MGAM2: variants seen among roughly 807,000 people sequenced by gnomAD.
The protein encoded by MGAM2 is maltase-glucoamylase 2 (putative).
A neutral mutation model predicts 96.1 loss-of-function variants in MGAM2; 98 were observed. That is an observed-to-expected ratio of 1.02 (90% CI 0.87 to 1.21). The LOEUF is 1.21. Among genes scored for constraint, MGAM2 ranks in the 50% most tolerant of loss-of-function variants. The pLI is 0.00. For synonymous variants in MGAM2, 749 were observed against 414.8 expected (o/e 1.81, Z -9.79); for missense variants, 2,055 against 1,182.4 (o/e 1.74, Z -10.82).
At chr7:142,160,292 C>A in intron 21 of MGAM2, 34 bp downstream of exon 21, 1 of 656,158 alleles carries the variant, frequency 1.5e-6, no homozygotes, top group Non-Finnish European at 2.7e-6. Context: ...TATGACTATT[C>A]TGGTGCTCTA....
rs1212172501 is a variant in MGAM2, at chr7:142,171,410, G to A, written c.3321G>A (p.Trp1107Ter). The A allele has an allele frequency of 1.4e-6, 1 of 702,944 alleles. No homozygotes were observed. Among genetic ancestry groups the A allele is most frequent in the African/African-American group, 1.8e-5 (1 of 57,132 alleles). The allele number at this position is 702,944 out of a possible 1,614,324, so 43.5% of individuals were successfully genotyped here. A position where few individuals can be genotyped will look rare whatever the true frequency, so the allele number is the denominator to read the frequency against. ...GAAGAAACATGAACTGGAACACATG[G>A]GGAATGTTTGCTCATGATGAGCCAC... Reference protein sequence around the residue: ...TFRRNMNWNTWGMFAHDEPPA... With the variant: ...TFRRNMNWNT The change falls in exon 28 of 48, where the codon TGG becomes TGA. Residue 1107 changes from tryptophan to a stop codon, truncating the protein, a stop_gained. Coordinates refer to ENST00000477922, the MANE Select transcript of MGAM2 (RefSeq NM_001293626.2). LOFTEE classifies it high-confidence loss of function.
At chr7:142,154,350 T>C (rs1011158757) in intron 16 of MGAM2, among the ~76,000 whole-genome samples, 161 bp downstream of exon 16, 3 of 152,212 alleles carry the variant, frequency 2.0e-5, no homozygotes, top group Non-Finnish European at 4.4e-5. Flanking sequence ...CTTCTGAAGA[T>C]AGAATGGTAG....
At chr7:142,208,087 A>G (rs970082563) in intron 45 of MGAM2, 11 of 439,158 alleles carry the variant, frequency 2.5e-5, no homozygotes, top group Admixed American at 9.6e-5. Context: ...TCTCCATTCT[A>G]TAGATGATAA....
rs74451247 is a variant in MGAM2 at position 142,180,503 on chromosome 7, T to C, written c.3817-2763T>C. Among the ~76,000 whole-genome samples the C allele has an allele frequency of 3.6e-3, 542 of 152,318 alleles. 3 individuals are homozygous for C. The highest frequency in any genetic ancestry group is 5.7e-3 in the Non-Finnish European group (389 of 68,026). On this transcript the variant is annotated intron_variant, in intron 32 of 47. Transcript: ENST00000477922. ...AGGCACTTATGGCTATAAACTTTCC[T>C]AGTGTGTCTTAGGGATGATTATCTT...
At position 142,158,104 on chromosome 7, in the gene MGAM2, A is replaced by C. The variant is rs531725740; in HGVS notation, c.2078+13A>C. 8.4e-5 allele frequency: 59 copies of C among 701,382 alleles called. No individual in the cohort carries two copies. The highest frequency in any genetic ancestry group is 1.5e-4 in the Non-Finnish European group (57 of 384,360). The allele number at this position is 701,382 out of a possible 1,614,324, so 43.4% of individuals were successfully genotyped here. A position where few individuals can be genotyped will look rare whatever the true frequency, so the allele number is the denominator to read the frequency against. On this transcript the variant is annotated intron_variant, in intron 18 of 47. Transcript: ENST00000477922. Reference sequence around the variant, plus strand: ...CCCTTGTACATGAGTGAGTTTCCTGATTCTCAAAGACTCCCTTTCTGATTG... The same window carrying C: ...CCCTTGTACATGAGTGAGTTTCCTGCTTCTCAAAGACTCCCTTTCTGATTG...
chr7:142,168,043 A>G (rs554811984), intron 26 of MGAM2, among the ~76,000 whole-genome samples: 9 of 152,316 alleles, frequency 5.9e-5, no homozygotes, highest in African/African-American at 2.2e-4. Flanking sequence ...TCAAAGAATC[A>G]TCATTTAGCC....
intron 9 of MGAM2, among the ~76,000 whole-genome samples, chr7:142,138,304 A>T (rs917592724): frequency 6.6e-6 from 1 of 151,552 alleles, no homozygotes; most frequent in Non-Finnish European, 1.5e-5. Flanking sequence ...AATGAATGTC[A>T]CCAGTTTCCC....
chr7:142,193,905 C>T (rs1796946828), intron 37 of MGAM2, among the ~76,000 whole-genome samples: 1 of 152,188 alleles, frequency 6.6e-6, no homozygotes, highest in Non-Finnish European at 1.5e-5. Flanking sequence ...CTCTCTTGAG[C>T]CTCAAACCTA....
chr7:142,157,962 T>C lies in MGAM2; in HGVS notation c.1949T>C (p.Val650Ala), dbSNP rs1444097061. The C allele has an allele frequency of 4.3e-5, 30 of 702,994 alleles. No homozygotes were observed. Among genetic ancestry groups the C allele is most frequent in the Non-Finnish European group, 7.0e-5 (27 of 384,982 alleles). 43.5% of individuals were successfully genotyped at this position (702,994 alleles called of 1,614,324 possible). A position where few individuals can be genotyped will look rare whatever the true frequency, so the allele number is the denominator to read the frequency against. ...GACCAGGATCCCGCTGCCTTTGGTG[T>C]TGATTCCCTGCTGCTGAAATCCTCC... ...FRDQDPAAFG[V>A]DSLLLKSSRH... The change falls in exon 18 of 48, where the codon GTT becomes GCT. Residue 650 changes from valine to alanine, a missense_variant. Physicochemically the swap from Val to Ala is moderately conservative, Grantham distance 64. Transcript: ENST00000477922.
At chr7:142,159,221 C>A in intron 19 of MGAM2, 66 bp from the exon 20 acceptor site, 1 of 693,462 alleles carries the variant, frequency 1.4e-6, no homozygotes, top group Non-Finnish European at 2.6e-6. Context: ...GTAATGATGC[C>A]TGGAGGTGTT....
intron 26 of MGAM2, among the ~76,000 whole-genome samples, chr7:142,168,156 A>G (rs1037027166): frequency 2.0e-5 from 3 of 152,206 alleles, no homozygotes; most frequent in African/African-American, 7.2e-5. Flanking sequence ...AAACTGCAGC[A>G]TGCATCAGAA....
intron 14 of MGAM2, 58 bp downstream of exon 14, chr7:142,145,003 G>C (rs1329001076): frequency 2.9e-6 from 2 of 696,018 alleles, no homozygotes; most frequent in South Asian, 3.0e-5. Context: ...AACACCCTCA[G>C]TAATACTCAG....
At chr7:142,151,382 T>A (rs180687362) in intron 15 of MGAM2, among the ~76,000 whole-genome samples, 1 of 152,152 alleles carries the variant, frequency 6.6e-6, no homozygotes, top group African/African-American at 2.4e-5. Context: ...GTATTTTGGT[T>A]AAAAAAAGAA....
At chr7:142,167,200 A>G (rs1215945854) in intron 25 of MGAM2, 68 bp from the exon 26 acceptor site, 4 of 619,814 alleles carry the variant, frequency 6.5e-6, no homozygotes, top group East Asian at 2.7e-5. Flanking sequence ...GTGTTAACCA[A>G]CTTCTTCAGT....
intron 46 of MGAM2, among the ~76,000 whole-genome samples, chr7:142,212,156 G>A (rs1265623530): frequency 6.6e-6 from 1 of 152,174 alleles, no homozygotes; most frequent in African/African-American, 2.4e-5. Flanking sequence ...AAATGCTGAG[G>A]GATTTGGTCA....
intron 15 of MGAM2, among the ~76,000 whole-genome samples, chr7:142,149,810 G>A (rs1000741685): frequency 1.3e-5 from 2 of 152,048 alleles, no homozygotes; most frequent in Non-Finnish European, 2.9e-5. Context: ...CAAAGTGCTG[G>A]GATTACAGGC....
chr7:142,160,676 T>C (rs969934889), intron 21 of MGAM2, among the ~76,000 whole-genome samples: 7 of 151,332 alleles, frequency 4.6e-5, no homozygotes, highest in African/African-American at 1.7e-4. Context: ...AGCCTTGGTT[T>C]GGGCTACATA....
chr7:142,123,928 A>AT (rs1794658034), intron 3 of MGAM2, among the ~76,000 whole-genome samples: 1 of 116,220 alleles, frequency 8.6e-6, no homozygotes, highest in Non-Finnish European at 1.8e-5. Context: ...TATAGTACTG[A>AT]TTTTTGTATA....
intron 37 of MGAM2, among the ~76,000 whole-genome samples, chr7:142,189,825 CT>C: frequency 6.6e-6 from 1 of 152,314 alleles, no homozygotes; most frequent in East Asian, 1.9e-4. Flanking sequence ...TACCTTGTTC[CT>C]ACCTCCTGAG....
Sources: allele counts gnomAD v4.1 joint callset (sites outside exome capture counted in the v4.1 genomes callset), GRCh38; gene constraint gnomAD v4.1.1; transcripts MANE v1.5; gene names NCBI Gene and HGNC (gene_info 2026-07-23, HGNC 2026-07-21).